The following AFG2A variants were observed in gnomAD, a reference collection of about 807,000 sequenced individuals.
AFG2A encodes AAA ATPase AFG2A, also known as ATPase family gene 2 protein homolog A.
chr4:123,207,285 C>CT, the AFG2A span, among the ~76,000 whole-genome samples: 59,954 of 108,720 alleles, frequency 0.55, 18,650 homozygotes, highest in Non-Finnish European at 0.66. Context: ...GTTGTGTTTC[C>CT]TTTTTTTTTT....
At chr4:123,140,318 C>T in the AFG2A span, among the ~76,000 whole-genome samples, 1 of 152,132 alleles carries the variant, frequency 6.6e-6, no homozygotes, top group African/African-American at 2.4e-5. Flanking sequence ...ATGTACATAG[C>T]TTAATGGATT....
the AFG2A span, among the ~76,000 whole-genome samples, chr4:123,044,875 A>G: frequency 1.3e-5 from 2 of 151,720 alleles, no homozygotes; most frequent in South Asian, 2.1e-4. Flanking sequence ...TATTTAGTGC[A>G]CTTTAAAATT....
the AFG2A span, among the ~76,000 whole-genome samples, chr4:123,182,498 T>C: frequency 6.6e-6 from 1 of 152,286 alleles, no homozygotes; most frequent in Admixed American, 6.5e-5. Flanking sequence ...CACTCAGAAA[T>C]TTGCTGACTA....
the AFG2A span, among the ~76,000 whole-genome samples, chr4:123,089,906 T>A: frequency 6.6e-6 from 1 of 152,144 alleles, no homozygotes; most frequent in Non-Finnish European, 1.5e-5. Flanking sequence ...TAAAAACTTA[T>A]ATTTAGTAAT....
the AFG2A span, among the ~76,000 whole-genome samples, chr4:123,092,903 C>T: frequency 6.6e-6 from 1 of 152,168 alleles, no homozygotes; most frequent in Non-Finnish European, 1.5e-5. Flanking sequence ...TTATCCCTGT[C>T]ACACTTCAAA....
At chr4:123,080,261 C>G in the AFG2A span, among the ~76,000 whole-genome samples, 1 of 152,218 alleles carries the variant, frequency 6.6e-6, no homozygotes, top group African/African-American at 2.4e-5. Flanking sequence ...TAGCAGAGAG[C>G]TAGCGCTCTC....
At chr4:123,254,087 T>G in the AFG2A span, among the ~76,000 whole-genome samples, 2 of 152,202 alleles carry the variant, frequency 1.3e-5, no homozygotes, top group Non-Finnish European at 2.9e-5. Flanking sequence ...GAGGATTCTT[T>G]ATATATTTTG....
the AFG2A span, among the ~76,000 whole-genome samples, chr4:123,077,378 G>T: frequency 6.6e-6 from 1 of 151,984 alleles, no homozygotes; most frequent in Non-Finnish European, 1.5e-5. Flanking sequence ...CCACTTACTG[G>T]CTCTGTTACC....
the AFG2A span, among the ~76,000 whole-genome samples, chr4:123,021,030 C>G: frequency 6.6e-6 from 1 of 152,082 alleles, no homozygotes; most frequent in Non-Finnish European, 1.5e-5. Flanking sequence ...TTTTACTCTT[C>G]GCTAATTTTA....
chr4:122,930,954 G>A, the AFG2A span, among the ~76,000 whole-genome samples: 1 of 21,942 alleles, frequency 4.6e-5, no homozygotes, highest in Non-Finnish European at 1.1e-3. Flanking sequence ...TGTTTTAAAT[G>A]TGGCAGCAGA....
the AFG2A span, among the ~76,000 whole-genome samples, chr4:123,001,049 A>G: frequency 7.1e-6 from 1 of 139,866 alleles, no homozygotes; most frequent in Non-Finnish European, 1.6e-5. Context: ...GTATGTGTCG[A>G]GGAATTTATC....
At chr4:123,180,265 T>G in the AFG2A span, among the ~76,000 whole-genome samples, 1 of 152,064 alleles carries the variant, frequency 6.6e-6, no homozygotes, top group Non-Finnish European at 1.5e-5. Context: ...AACTATTTAT[T>G]TAGCTATTTT....
the AFG2A span, among the ~76,000 whole-genome samples, chr4:123,265,141 G>T: frequency 6.6e-6 from 1 of 152,030 alleles, no homozygotes; most frequent in East Asian, 1.9e-4. Context: ...AAGTAGAAAA[G>T]AAAATTTTAC....
At chr4:123,238,101 C>T in the AFG2A span, among the ~76,000 whole-genome samples, 3 of 152,162 alleles carry the variant, frequency 2.0e-5, no homozygotes, top group African/African-American at 4.8e-5. Flanking sequence ...GATCGACCTG[C>T]GAGGCTGCAG....
the AFG2A span, among the ~76,000 whole-genome samples, chr4:122,953,675 C>G: frequency 1.3e-5 from 2 of 152,380 alleles, no homozygotes; most frequent in South Asian, 4.1e-4. Context: ...CTGACCAGAA[C>G]AGCATTAGGC....
the AFG2A span, among the ~76,000 whole-genome samples, chr4:123,027,193 A>G: frequency 6.6e-6 from 1 of 152,184 alleles, no homozygotes; most frequent in Non-Finnish European, 1.5e-5. Context: ...TTCCAGAAGG[A>G]CATTTCAGAC....
the AFG2A span, among the ~76,000 whole-genome samples, chr4:122,935,553 G>T: frequency 2.6e-5 from 4 of 151,854 alleles, no homozygotes; most frequent in African/African-American, 9.7e-5. Context: ...ATCAGTGTTT[G>T]GGCTAGTTAG....
chr4:123,177,575 T>TC, the AFG2A span, among the ~76,000 whole-genome samples: 1 of 152,206 alleles, frequency 6.6e-6, no homozygotes, highest in Non-Finnish European at 1.5e-5. Context: ...ATCAGTGATT[T>TC]CTTTTTAAAA....
At chr4:123,063,329 A>G in the AFG2A span, among the ~76,000 whole-genome samples, 1 of 152,204 alleles carries the variant, frequency 6.6e-6, no homozygotes, top group Non-Finnish European at 1.5e-5. Context: ...ATTAGGAGGC[A>G]TTTCTATGTA....
Sources: allele counts gnomAD v4.1 joint callset (sites outside exome capture counted in the v4.1 genomes callset), GRCh38; gene constraint gnomAD v4.1.1; transcripts MANE v1.5; gene names NCBI Gene and HGNC (gene_info 2026-07-23, HGNC 2026-07-21).